Variants in LARGE1 observed in about 807,000 individuals in gnomAD.
LARGE1 encodes the protein xylosyl- and glucuronyltransferase LARGE1.
In LARGE1, 43 loss-of-function variants were observed where a neutral mutation model predicts 87.6. The observed-to-expected ratio is 0.49, with a 90% CI of 0.38 to 0.63. LARGE1 has a LOEUF of 0.63. LARGE1 is among the 30% of genes least tolerant of loss of function. The probability of loss-of-function intolerance (pLI) is 0.00; values close to 1 mark genes in which losing one functional copy is unlikely to be tolerated. For missense variants in LARGE1, 802 were observed against 1,000.2 expected, an observed-to-expected ratio of 0.80 and a Z score of 2.67; for synonymous variants, 434 against 394.6, an observed-to-expected ratio of 1.10 and a Z score of -1.18.
At chr22:33,807,049 A>G (rs890147249) in intron 1 of LARGE1, among the ~76,000 whole-genome samples, 1 of 152,172 alleles carries the variant, frequency 6.6e-6, no homozygotes, top group African/African-American at 2.4e-5. Context: ...AAACCATGCA[A>G]CTTCCACAAA....
chr22:33,665,290 G>A (rs1173895576), intron 2 of LARGE1, among the ~76,000 whole-genome samples: 1 of 152,072 alleles, frequency 6.6e-6, no homozygotes, highest in African/African-American at 2.4e-5. Flanking sequence ...TTATTTGCCT[G>A]TCTCCACCTC....
At chr22:33,645,912 A>C (rs544563015) in intron 3 of LARGE1, among the ~76,000 whole-genome samples, 52 of 152,324 alleles carry the variant, frequency 3.4e-4, no homozygotes, top group African/African-American at 1.1e-3. Flanking sequence ...TGCCAGTTGG[A>C]ATGGCGATCA....
At chr22:33,436,404 G>C (rs529375944) in intron 6 of LARGE1, among the ~76,000 whole-genome samples, 51 of 152,292 alleles carry the variant, frequency 3.3e-4, no homozygotes, top group African/African-American at 1.2e-3. Flanking sequence ...CTCGAACTCT[G>C]CCTCTCTAAG....
chr22:33,195,485 C>T (rs953818097), intron 11 of LARGE1, among the ~76,000 whole-genome samples: 7 of 151,642 alleles, frequency 4.6e-5, no homozygotes, highest in Admixed American at 1.3e-4. Flanking sequence ...AATACTTATC[C>T]GACATCAGCA....
intron 2 of LARGE1, chr22:33,724,683 G>A (rs1157011105): frequency 6.6e-6 from 1 of 152,210 alleles, no homozygotes; most frequent in African/African-American, 2.4e-5. Flanking sequence ...AACAGTCATG[G>A]TAACTTCTTC....
chr22:33,772,096 G>T (rs558138570), intron 1 of LARGE1, among the ~76,000 whole-genome samples: 152 of 152,292 alleles, frequency 1.0e-3, no homozygotes, highest in Non-Finnish European at 1.8e-3. Context: ...CACTTTGGGA[G>T]GCCAAGGCAG....
chr22:33,172,438 T>A (rs1922625024), intron 11 of LARGE1, among the ~76,000 whole-genome samples: 1 of 104,756 alleles, frequency 9.5e-6, no homozygotes, highest in Admixed American at 8.5e-5. Context: ...AAAGTGAAAG[T>A]TTCCCCTGCT....
At chr22:33,104,893 T>TC in the LARGE1 span, among the ~76,000 whole-genome samples, 4 of 25,182 alleles carry the variant, frequency 1.6e-4, no homozygotes, top group African/African-American at 3.8e-4. Flanking sequence ...TTCTCTCTCT[T>TC]TCTTTCTTTC....
rs147140601 is a variant in LARGE1, at chr22:33,497,753, T to G, written c.788-65488A>C. Among the ~76,000 whole-genome samples, 68 of 152,358 alleles carry G rather than the reference T, an allele frequency of 4.5e-4. 2 individuals carry two copies. In the East Asian group the frequency reaches 0.013, roughly 29 times the overall value. The stretch of plus-strand genomic sequence containing the variant: ...AATATCTGTAGTTCATATAAGTAAC[T>G]GATGCTAACGATAACAATCATATAT... On this transcript the variant is annotated intron_variant, in intron 6 of 14. Transcript: ENST00000397394.
chr22:33,426,109 A>G (rs2066868476), intron 7 of LARGE1, among the ~76,000 whole-genome samples: 1 of 152,160 alleles, frequency 6.6e-6, no homozygotes, highest in African/African-American at 2.4e-5. Flanking sequence ...TTAGTCTAGA[A>G]AACGCTAGTC....
At chr22:33,287,176 C>T (rs369084679) in intron 12 of LARGE1, among the ~76,000 whole-genome samples, 3 of 152,288 alleles carry the variant, frequency 2.0e-5, no homozygotes, top group East Asian at 3.9e-4. Context: ...TATAAGATAA[C>T]CCATCCATTA....
chr22:33,383,163 A>C (rs983384920), intron 8 of LARGE1, among the ~76,000 whole-genome samples: 38 of 152,326 alleles, frequency 2.5e-4, no homozygotes, highest in Non-Finnish European at 4.7e-4. Flanking sequence ...CCAGTGCCAC[A>C]GGAAGATGAA....
intron 6 of LARGE1, among the ~76,000 whole-genome samples, chr22:33,515,986 T>A (rs986792089): frequency 6.6e-6 from 1 of 152,200 alleles, no homozygotes; most frequent in African/African-American, 2.4e-5. Context: ...AACGCCACCG[T>A]GTCCAGGCCC....
chr22:33,790,425 C>G (rs1024669949), intron 1 of LARGE1, among the ~76,000 whole-genome samples: 2 of 152,200 alleles, frequency 1.3e-5, no homozygotes, highest in African/African-American at 4.8e-5. Context: ...TGAAGGGAAA[C>G]TGGCCTACAC....
chr22:33,084,033 G>T, the LARGE1 span, among the ~76,000 whole-genome samples: 1 of 152,100 alleles, frequency 6.6e-6, no homozygotes, highest in Non-Finnish European at 1.5e-5. Context: ...AACCAGAACT[G>T]CTTTTTGTCT....
At chr22:33,541,942 C>T (rs907201433) in intron 6 of LARGE1, among the ~76,000 whole-genome samples, 1 of 151,908 alleles carries the variant, frequency 6.6e-6, no homozygotes, top group African/African-American at 2.4e-5. Context: ...GCGGGTGGAT[C>T]ACCTGAGGTC....
intron 5 of LARGE1, among the ~76,000 whole-genome samples, chr22:33,595,617 T>G (rs62227104): frequency 0.085 from 12,955 of 152,266 alleles, 677 homozygotes; most frequent in African/African-American, 0.14. Context: ...TGAAGAAATG[T>G]AGTAGTGATT....
intron 1 of LARGE1, among the ~76,000 whole-genome samples, chr22:33,879,348 C>T (rs2064592431): frequency 6.6e-6 from 1 of 152,188 alleles, no homozygotes; most frequent in African/African-American, 2.4e-5. Flanking sequence ...ATCCCAAGCA[C>T]ACTAAACTAA....
At chr22:33,549,252 A>G (rs1453681978) in intron 6 of LARGE1, among the ~76,000 whole-genome samples, 1 of 152,232 alleles carries the variant, frequency 6.6e-6, no homozygotes, top group Non-Finnish European at 1.5e-5. Flanking sequence ...GACAGGCCAC[A>G]TATGTCTTTG....
Sources: allele counts gnomAD v4.1 joint callset (sites outside exome capture counted in the v4.1 genomes callset), GRCh38; gene constraint gnomAD v4.1.1; transcripts MANE v1.5; gene names NCBI Gene and HGNC (gene_info 2026-07-23, HGNC 2026-07-21).